DCP1B: variants seen among roughly 807,000 people sequenced by gnomAD.
DCP1B encodes mRNA-decapping enzyme 1B.
Under a neutral mutation model 60.5 loss-of-function variants are expected in DCP1B, and 47 were observed. That is an observed-to-expected ratio of 0.78 (90% confidence interval 0.61 to 0.99). The LOEUF is 0.99. Among genes scored for constraint, DCP1B ranks in the 50% least tolerant of loss-of-function variants. DCP1B has a pLI of 0.00. For synonymous variants in DCP1B, 267 were observed against 280.3 expected, an observed-to-expected ratio of 0.95 and a Z score of 0.47; for missense variants, 725 against 756.8, an observed-to-expected ratio of 0.96 and a Z score of 0.49.
intron 5 of DCP1B, among the ~76,000 whole-genome samples, chr12:1,957,111 T>G (rs1362993927): frequency 6.6e-6 from 1 of 152,210 alleles, no homozygotes; most frequent in Non-Finnish European, 1.5e-5. Flanking sequence ...TCCACCTCAG[T>G]AGTTTGTAGC....
Position 1,998,666 on chromosome 12 carries a change from C to T in DCP1B, c.151-691G>A, listed in dbSNP as rs1031934116. On this transcript the variant is annotated intron_variant, in intron 1 of 8. Coordinates refer to ENST00000280665, the MANE Select transcript of DCP1B (RefSeq NM_152640.5). ...TTAAAATGATGGTTTAACTAGGTCA[C>T]TTCACATTTCTTTTCCATTTCTCCA... Among the ~76,000 whole-genome samples the T allele has an allele frequency of 2.0e-5, 3 of 152,296 alleles. No individual in the cohort carries two copies. The South Asian group carries it at 6.2e-4, about 32-fold the overall frequency.
chr12:2,004,227 C>G (rs747593881), intron 1 of DCP1B, 55 bp downstream of exon 1: 111 of 1,601,058 alleles, frequency 6.9e-5, no homozygotes, highest in Non-Finnish European at 9.1e-5. Flanking sequence ...GAGTCTGACG[C>G]CCCCCGCCTC....
chr12:1,962,522 A>AT lies in DCP1B; in HGVS notation c.522+3035dup, dbSNP rs766160978. Among the ~76,000 whole-genome samples the AT allele has an allele frequency of 2.3e-4, 35 of 152,238 alleles. No individual in the cohort carries two copies. The highest frequency in any genetic ancestry group is 4.6e-4 in the Non-Finnish European group (31 of 68,038). ...CATTGTTACACTGTCTTCACAGAACATTAAGTTCCTGGAGGGCAGAAATGT... is the reference window on the plus strand; with the variant it reads ...CATTGTTACACTGTCTTCACAGAACATTTAAGTTCCTGGAGGGCAGAAATGT... On this transcript the variant is annotated intron_variant, in intron 5 of 8. Coordinates refer to ENST00000280665, the MANE Select transcript of DCP1B (RefSeq NM_152640.5). This position sits in a 1 kb window ranked among gnomAD's most constrained non-coding sequence, Gnocchi z 4.4.
intron 3 of DCP1B, among the ~76,000 whole-genome samples, chr12:1,981,639 G>A (rs546257264): frequency 1.5e-4 from 23 of 152,264 alleles, no homozygotes; most frequent in Non-Finnish European, 2.4e-4. Flanking sequence ...TAGCTTATTC[G>A]TTACTGCCAA....
chr12:1,971,944 A>G lies in DCP1B; in HGVS notation c.320-4034T>C, dbSNP rs1333436410. 6.6e-6 allele frequency among the ~76,000 whole-genome samples: 1 copy of G among 152,252 alleles called. No homozygotes were observed. The highest frequency in any genetic ancestry group is 2.4e-5 in the African/African-American group (1 of 41,466). On this transcript the variant is annotated intron_variant, in intron 3 of 8. Transcript: ENST00000280665. This position sits in a 1 kb window ranked among gnomAD's most constrained non-coding sequence, Gnocchi z 4.2. ...GTGATAATGTTTGTGTAAATTTTTA[A>G]AAGAAGATATATATCCATTCAATTA...
rs1157107293 is a variant in DCP1B at position 1,948,659 on chromosome 12, C to T, written c.1773+427G>A. On this transcript the variant is annotated intron_variant, in intron 8 of 8. Transcript: ENST00000280665. The surrounding 1 kb of genome is among the most constrained non-coding windows in gnomAD (Gnocchi z 4.8). ...CCATGGCCATTATTTGCTTCCCTCC[C>T]TGTTTTCCACTCGCTCAGTGGCCTC... 6.6e-6 allele frequency among the ~76,000 whole-genome samples: 1 copy of T among 152,178 alleles called. No individual in the cohort carries two copies. The highest frequency in any genetic ancestry group is 1.9e-4 in the East Asian group (1 of 5,186).
intron 3 of DCP1B, among the ~76,000 whole-genome samples, chr12:1,974,649 G>A (rs181853279): frequency 6.6e-6 from 1 of 152,128 alleles, no homozygotes; most frequent in East Asian, 1.9e-4. Flanking sequence ...ATAGTACTTT[G>A]GTCTACCAGA....
chr12:1,991,915 G>A (rs2039519222), intron 3 of DCP1B: 1 of 166,482 alleles, frequency 6.0e-6, no homozygotes, highest in Non-Finnish European at 1.3e-5. Context: ...GATGATTACA[G>A]GTAACTTTGT....
At chr12:1,969,492 A>G (rs992080313) in intron 3 of DCP1B, among the ~76,000 whole-genome samples, 3 of 146,068 alleles carry the variant, frequency 2.1e-5, no homozygotes, top group African/African-American at 7.7e-5. Flanking sequence ...GAACAGGACC[A>G]TTTTACTCTC....
chr12:1,990,106 G>A (rs760474966), intron 3 of DCP1B, among the ~76,000 whole-genome samples: 3 of 152,200 alleles, frequency 2.0e-5, no homozygotes, highest in Non-Finnish European at 4.4e-5. Flanking sequence ...CTTGGTTCAA[G>A]TGGTGTTTCC....
rs189154711 is a variant in DCP1B at position 1,956,997 on chromosome 12, T to C, written c.523-1437A>G. Reference sequence around the variant, plus strand: ...CTGATAGCTTTTCCTAGTTAAAATGTTATCTCCAGAAGCTGTTTTCTGTGT... The same window carrying C: ...CTGATAGCTTTTCCTAGTTAAAATGCTATCTCCAGAAGCTGTTTTCTGTGT... On this transcript the variant is annotated intron_variant, in intron 5 of 8. Transcript: ENST00000280665. 9.2e-5 allele frequency among the ~76,000 whole-genome samples: 14 copies of C among 152,298 alleles called. 1 individual carries two copies. The highest frequency in any genetic ancestry group is 9.2e-4 in the Admixed American group (14 of 15,298).
rs1299121231 is a variant in DCP1B, at chr12:1,952,728, TG to T, written c.1211del (p.Pro404HisfsTer14). On this transcript the variant is annotated frameshift_variant, in exon 7 of 9. Transcript: ENST00000280665. LOFTEE classifies it high-confidence loss of function. ...GAAGGGAGCCATTGAAATAGGCCTG[TG>T]GTGGCTGAGCCAGACCCTTTCCTGG... Reference protein sequence around the residue: ...VAPGKGLAQPPQAYFNGSLPP... With the variant: ...VAPGKGLAQPXQAYFNGSLPP... 2 of 1,614,120 alleles carry T rather than the reference TG, an allele frequency of 1.2e-6. No individual in the cohort carries two copies. Among genetic ancestry groups the T allele is most frequent in the African/African-American group, 1.3e-5 (1 of 75,028 alleles).
At chr12:1,967,999 A>G (rs1001598797) in intron 3 of DCP1B, 89 bp from the exon 4 acceptor site, 2 of 980,028 alleles carry the variant, frequency 2.0e-6, no homozygotes, top group Non-Finnish European at 3.1e-6. Flanking sequence ...ATACATAATA[A>G]TCTATGTGTT....
intron 3 of DCP1B, among the ~76,000 whole-genome samples, chr12:1,989,345 CAGAGCAGGAGCA>C (rs977172712): frequency 6.6e-6 from 1 of 150,742 alleles, no homozygotes; most frequent in African/African-American, 2.4e-5. Context: ...CTCTAAAGAG[CAGAGCAGGAGCA>C]GGAGCAGGAG....
intron 8 of DCP1B, 35 bp from the exon 9 acceptor site, chr12:1,946,321 A>G (rs768081220): frequency 2.6e-6 from 4 of 1,551,202 alleles, no homozygotes; most frequent in Non-Finnish European, 3.5e-6. Flanking sequence ...AGAGAATGTT[A>G]CTTGGTTGGC....
rs1278162918 is a variant in DCP1B at position 1,996,654 on chromosome 12, AACAAC to A, written c.191+1276_191+1280del. 1.6e-3 allele frequency among the ~76,000 whole-genome samples: 51 copies of A among 32,556 alleles called. 10 individuals carry two copies. Among genetic ancestry groups the A allele is most frequent in the African/African-American group, 7.4e-3 (34 of 4,566 alleles). The allele number at this position is 32,556 out of a possible 152,430, so 21.4% of individuals were successfully genotyped here. A position where few individuals can be genotyped will look rare whatever the true frequency, so the allele number is the denominator to read the frequency against. Reference sequence around the variant, plus strand: ...AAAAAAAAAAAAAAAAAAAAAAAAAAACAACAAACTCTTCTAATGTTTTAAAGAAG... The same window carrying A: ...AAAAAAAAAAAAAAAAAAAAAAAAAAAAACTCTTCTAATGTTTTAAAGAAG... On this transcript the variant is annotated intron_variant, in intron 2 of 8. Coordinates refer to ENST00000280665, the MANE Select transcript of DCP1B (RefSeq NM_152640.5).
chr12:1,981,498 A>G (rs1048241528), intron 3 of DCP1B, among the ~76,000 whole-genome samples: 1 of 152,250 alleles, frequency 6.6e-6, no homozygotes, highest in Non-Finnish European at 1.5e-5. Flanking sequence ...AATATTATAC[A>G]TAAGGTAAAC....
rs775668762 is a variant in DCP1B at position 2,004,242 on chromosome 12, C to T, written c.150+40G>A. On this transcript the variant is annotated intron_variant, in intron 1 of 8. Coordinates refer to ENST00000280665, the MANE Select transcript of DCP1B (RefSeq NM_152640.5). ...GAGTCTGACGCCCCCCGCCTCCACC[C>T]CAACCCTGGGCTGCACTGCTCCGCC... 1.1e-5 allele frequency: 17 copies of T among 1,610,604 alleles called. 1 individual carries two copies. In the South Asian group the frequency reaches 1.8e-4, roughly 17 times the overall value.
At chr12:1,998,104 T>A in intron 1 of DCP1B, 129 bp from the exon 2 acceptor site, 1 of 699,840 alleles carries the variant, frequency 1.4e-6, no homozygotes, top group Non-Finnish European at 2.3e-6. Context: ...CATGAGGAGT[T>A]ATTCTCAGGA....
Sources: allele counts gnomAD v4.1 joint callset (sites outside exome capture counted in the v4.1 genomes callset), GRCh38; gene constraint gnomAD v4.1.1; non-coding constraint Gnocchi (gnomAD v3.1); transcripts MANE v1.5; gene names NCBI Gene and HGNC (gene_info 2026-07-23, HGNC 2026-07-21).